ANKRD10: variants seen among roughly 807,000 people sequenced by gnomAD.
The protein encoded by ANKRD10 is ankyrin repeat domain 10, also known as ankyrin repeat domain-containing protein 10.
ANKRD10 carries 14 observed loss-of-function variants against 27.0 expected under a neutral mutation model. The ratio of observed to expected loss-of-function variants is 0.52; its 90% CI spans 0.34 to 0.81. The LOEUF is 0.81. ANKRD10 is among the 40% of genes least tolerant of loss of function. ANKRD10 has a pLI of 0.01. For missense variants in ANKRD10, 493 were observed against 544.0 expected (o/e 0.91, Z 0.93); for synonymous variants, 250 against 224.5 (o/e 1.11, Z -1.01).
intron 4 of ANKRD10, among the ~76,000 whole-genome samples, chr13:110,890,494 A>G (rs754926105): frequency 1.3e-5 from 2 of 152,216 alleles, no homozygotes; most frequent in Non-Finnish European, 2.9e-5. Context: ...AAATCTAAGG[A>G]CTGTCAACTA....
Position 110,905,642 on chromosome 13 carries a change from GAT to G in ANKRD10, c.455+389_455+390del, listed in dbSNP as rs200171946. On this transcript the variant is annotated intron_variant, in intron 3 of 5. Transcript: ENST00000267339. ...CTTCTGAGCCAGAGAGGTCTGAAAA[GAT>G]ATTTTAATCCAATCCAAGCTTCTTG... 2.0e-5 allele frequency among the ~76,000 whole-genome samples: 3 copies of G among 152,320 alleles called. No homozygotes were observed. The East Asian group carries it at 5.8e-4, about 29-fold the overall frequency.
intron 3 of ANKRD10, chr13:110,894,428 C>A (rs868426953): frequency 9.1e-4 from 175 of 193,306 alleles, no homozygotes; most frequent in South Asian, 3.0e-3. Context: ...AAAAAAAAAA[C>A]CCCGCATTTG....
chr13:110,885,522 T>A (rs2064905695), intron 4 of ANKRD10, among the ~76,000 whole-genome samples: 1 of 151,058 alleles, frequency 6.6e-6, no homozygotes, highest in Non-Finnish European at 1.5e-5. Context: ...CCCTCCAGCC[T>A]GGTGACAGAG....
At chr13:110,880,222 T>G (rs993579296) in intron 5 of ANKRD10, 110 bp from the exon 6 acceptor site, 1 of 975,432 alleles carries the variant, frequency 1.0e-6, no homozygotes, top group Non-Finnish European at 1.5e-6. Flanking sequence ...TTCTTTTTTT[T>G]CCTTTTAAAC....
intron 3 of ANKRD10, chr13:110,894,311 C>T (rs911849420): frequency 3.6e-6 from 2 of 560,730 alleles, no homozygotes; most frequent in African/African-American, 3.9e-5. Context: ...ACTACATCCA[C>T]AGCAAAAGCA....
intron 3 of ANKRD10, among the ~76,000 whole-genome samples, chr13:110,905,755 G>A (rs2138877052): frequency 6.6e-6 from 1 of 152,216 alleles, no homozygotes; most frequent in Non-Finnish European, 1.5e-5. Flanking sequence ...GCAAAGTAAT[G>A]ATGCCAAGTT....
intron 5 of ANKRD10, chr13:110,883,330 G>T: frequency 4.8e-6 from 1 of 209,604 alleles, no homozygotes; most frequent in Non-Finnish European, 8.6e-6. Context: ...AATTAAAAAT[G>T]CAAACCTCAT....
chr13:110,906,678 T>C (rs2065546890), intron 2 of ANKRD10, among the ~76,000 whole-genome samples: 1 of 152,168 alleles, frequency 6.6e-6, no homozygotes, highest in Non-Finnish European at 1.5e-5. Context: ...AGTTGATCTA[T>C]TTTTCAGTAT....
rs887221421 is a variant in ANKRD10, at chr13:110,883,891, T to C, written c.692-98A>G. 10 of 1,360,530 alleles carry C rather than the reference T, an allele frequency of 7.4e-6. No homozygotes were observed. The African/African-American group carries it at 1.5e-4, about 20-fold the overall frequency. 84.3% of individuals were successfully genotyped at this position (1,360,530 alleles called of 1,614,324 possible). A position where few individuals can be genotyped will look rare whatever the true frequency, so the allele number is the denominator to read the frequency against. Reference sequence around the variant, plus strand: ...ATTATTTTGTGTGAGCACTGAACACTTTAAACAATCACATAAAAAAAAATC... The same window carrying C: ...ATTATTTTGTGTGAGCACTGAACACCTTAAACAATCACATAAAAAAAAATC... On this transcript the variant is annotated intron_variant, in intron 4 of 5. Coordinates refer to ENST00000267339, the MANE Select transcript of ANKRD10 (RefSeq NM_017664.4).
At chr13:110,914,604 G>A (rs2065831402) in intron 1 of ANKRD10, 121 bp downstream of exon 1, 2 of 1,396,718 alleles carry the variant, frequency 1.4e-6, no homozygotes, top group South Asian at 1.5e-5. Context: ...CACAGGCGCC[G>A]TCGATCCCGC....
intron 4 of ANKRD10, among the ~76,000 whole-genome samples, chr13:110,887,454 A>G (rs1044887079): frequency 6.6e-6 from 1 of 152,188 alleles, no homozygotes; most frequent in Non-Finnish European, 1.5e-5. Context: ...ACACAGGAAA[A>G]CAGGACTGTA....
chr13:110,880,183 C>G, intron 5 of ANKRD10, 71 bp from the exon 6 acceptor site: 25 of 1,258,108 alleles, frequency 2.0e-5, no homozygotes, highest in Non-Finnish European at 2.4e-5. Context: ...AAATGCTTCA[C>G]TGCCATTACA....
intron 2 of ANKRD10, among the ~76,000 whole-genome samples, chr13:110,908,500 C>T (rs564215519): frequency 1.3e-5 from 2 of 152,276 alleles, no homozygotes; most frequent in East Asian, 3.9e-4. Context: ...CTGTTAGTAG[C>T]TAACATGCCA....
intron 1 of ANKRD10, 37 bp from the exon 2 acceptor site, chr13:110,910,807 A>T (rs1295425962): frequency 1.3e-6 from 2 of 1,592,536 alleles, no homozygotes; most frequent in Non-Finnish European, 1.7e-6. Context: ...ACACGCAGAC[A>T]TGTCAGTACA....
chr13:110,880,324 ATGTGTGTG>A (rs781654440), intron 5 of ANKRD10, among the ~76,000 whole-genome samples: 1 of 152,246 alleles, frequency 6.6e-6, no homozygotes, highest in Non-Finnish European at 1.5e-5. Flanking sequence ...TAGGAAAATC[ATGTGTGTG>A]TCAGTAGCAT....
intron 2 of ANKRD10, 74 bp downstream of exon 2, chr13:110,910,544 A>C: frequency 6.4e-7 from 1 of 1,555,300 alleles, no homozygotes; most frequent in African/African-American, 1.4e-5. Context: ...CTCGATTTAA[A>C]GCAATACCGT....
chr13:110,893,581 A>C (rs568578335), intron 3 of ANKRD10, among the ~76,000 whole-genome samples: 20 of 152,250 alleles, frequency 1.3e-4, no homozygotes, highest in Admixed American at 2.6e-4. Flanking sequence ...CTTGAAACTG[A>C]ATTCTATATT....
chr13:110,884,015 T>C (rs902841358), intron 4 of ANKRD10, among the ~76,000 whole-genome samples: 3 of 152,228 alleles, frequency 2.0e-5, no homozygotes, highest in African/African-American at 7.2e-5. Context: ...GAATTTCAGA[T>C]GCCTATTATA....
intron 3 of ANKRD10, among the ~76,000 whole-genome samples, chr13:110,900,355 A>G (rs940473759): frequency 9.9e-5 from 15 of 152,246 alleles, no homozygotes; most frequent in Non-Finnish European, 1.9e-4. Flanking sequence ...ACAATAAAAG[A>G]TAACAATTTT....
Sources: gnomAD v4.1 joint callset for allele counts (sites outside exome capture counted in the v4.1 genomes callset) on GRCh38, gnomAD v4.1.1 for gene constraint, MANE v1.5 for transcripts, NCBI Gene and HGNC (gene_info 2026-07-23, HGNC 2026-07-21) for gene names.